Variants in TIGD7 observed in about 807,000 individuals in gnomAD.
The protein encoded by TIGD7 is tigger transposable element derived 7.
Under a neutral mutation model 24.8 loss-of-function variants are expected in TIGD7, and 26 were observed. The ratio of observed to expected loss-of-function variants is 1.05; its 90% CI spans 0.77 to 1.45. The LOEUF (loss-of-function observed/expected upper bound fraction) is 1.45, where lower values mean the gene tolerates loss of function less well. Among genes scored for constraint, TIGD7 ranks in the 40% most tolerant of loss-of-function variants. The probability of loss-of-function intolerance (pLI) is 0.00; values close to 1 mark genes in which losing one functional copy is unlikely to be tolerated. For synonymous variants in TIGD7, 221 were observed against 224.1 expected (o/e 0.99, Z 0.12); for missense variants, 679 against 641.6 (o/e 1.06, Z -0.63).
chr16:3,301,479 C>G lies in TIGD7; in HGVS notation c.-865G>C, dbSNP rs1010863031. ...TAATTTATTTGTCAGTGGCACTTTA[C>G]CATTCTCAGATCTTCTTTCTTGGGA... On this transcript the variant is annotated 5_prime_UTR_variant, in exon 2 of 2. Transcript: ENST00000396862. 1 of 167,042 alleles carries G rather than the reference C, an allele frequency of 6.0e-6. No homozygotes were observed. Among genetic ancestry groups the G allele is most frequent in the African/African-American group, 2.4e-5 (1 of 41,444 alleles). The allele number at this position is 167,042 out of a possible 1,614,324, so 10.3% of individuals were successfully genotyped here.
rs768216699 is a variant in TIGD7 at position 3,300,371 on chromosome 16, C to T, written c.244G>A (p.Asp82Asn). 22 of 1,614,220 alleles carry T rather than the reference C, an allele frequency of 1.4e-5. No homozygotes were observed. Among genetic ancestry groups the T allele is most frequent in the Non-Finnish European group, 1.9e-5 (22 of 1,180,018 alleles). ...TTGAKYGDVD[D>N]AVYMWYQQKR... The stretch of plus-strand genomic sequence containing the variant: ...TGTTGGTACCACATGTAGACCGCAT[C>T]ATCTACATCACCATATTTGGCTCCC... Residue 82 changes from aspartate to asparagine, a missense_variant, in exon 2 of 2, where the codon GAT becomes AAT. Coordinates refer to ENST00000396862, the MANE Select transcript of TIGD7 (RefSeq NM_033208.4).
Position 3,300,295 on chromosome 16 carries a change from G to A in TIGD7, c.320C>T (p.Ala107Val). The change falls in exon 2 of 2, where the codon GCA becomes GTA. Residue 107 changes from alanine to valine, a missense_variant. Physicochemically the swap from Ala to Val is moderately conservative, Grantham distance 64. Coordinates refer to ENST00000396862, the MANE Select transcript of TIGD7 (RefSeq NM_033208.4). ...PVRGVELQAAAERFARCFGRT... is the reference protein window; with the variant it reads ...PVRGVELQAAVERFARCFGRT... ...CCCAAAACACCGTGCAAATCTCTCTGCAGCAGCCTGAAGCTCCACGCCTCT... is the reference window on the plus strand; with the variant it reads ...CCCAAAACACCGTGCAAATCTCTCTACAGCAGCCTGAAGCTCCACGCCTCT... 1 of 1,614,202 alleles carries A rather than the reference G, an allele frequency of 6.2e-7. No individual in the cohort carries two copies. The highest frequency in any genetic ancestry group is 1.3e-5 in the African/African-American group (1 of 75,054).
intron 1 of TIGD7, among the ~76,000 whole-genome samples, chr16:3,303,017 T>C (rs1306883663): frequency 1.3e-5 from 2 of 152,078 alleles, no homozygotes; most frequent in Non-Finnish European, 2.9e-5. Context: ...TTTATATTTT[T>C]AGTACAGACA....
chr16:3,304,967 G>A (rs1029926717), intron 1 of TIGD7: 11 of 152,230 alleles, frequency 7.2e-5, no homozygotes, highest in African/African-American at 2.7e-4. Context: ...GATAGAAAAA[G>A]AACCTATTTC....
At chr16:3,304,479 T>A (rs1015813941) in intron 1 of TIGD7, among the ~76,000 whole-genome samples, 1 of 152,192 alleles carries the variant, frequency 6.6e-6, no homozygotes, top group Non-Finnish European at 1.5e-5. Flanking sequence ...ATTCACGAAA[T>A]TGCTCAGTCC....
At chr16:3,304,253 G>A (rs757365928) in intron 1 of TIGD7, among the ~76,000 whole-genome samples, 1 of 152,176 alleles carries the variant, frequency 6.6e-6, no homozygotes, top group East Asian at 1.9e-4. Context: ...GCCCAACTCA[G>A]TAAAAACGTA....
At position 3,300,102 on chromosome 16, in the gene TIGD7, T is replaced by A. The variant is rs949304922; in HGVS notation, c.513A>T (p.Leu171=). ...SMIIKEEKLC[L]AQLYSGDETD... is the part of the protein sequence containing the mutation. The stretch of plus-strand genomic sequence containing the variant: ...TTTCATCCCCACTGTATAGCTGAGC[T>A]AGACACAGTTTCTCCTCTTTGATTA... Residue 171 remains leucine (L), a synonymous_variant, in exon 2 of 2, where the codon CTA becomes CTT. Transcript: ENST00000396862. 4 of 1,614,112 alleles carry A rather than the reference T, an allele frequency of 2.5e-6. No homozygotes were observed. The highest frequency in any genetic ancestry group is 3.4e-6 in the Non-Finnish European group (4 of 1,180,044).
rs909146877 is a variant in TIGD7 at position 3,305,339 on chromosome 16, G to C, written c.-1523C>G. 1 of 152,312 alleles carries C rather than the reference G, an allele frequency of 6.6e-6. No individual in the cohort carries two copies. Among genetic ancestry groups the C allele is most frequent in the Non-Finnish European group, 1.5e-5 (1 of 68,080 alleles). 9.4% of individuals were successfully genotyped at this position (152,312 alleles called of 1,614,324 possible). On this transcript the variant is annotated 5_prime_UTR_variant, in exon 1 of 2. Coordinates refer to ENST00000396862, the MANE Select transcript of TIGD7 (RefSeq NM_033208.4). ...CGGTGAGCCGGTACAAGGCCCTCTA[G>C]GCTTCAGCGGGTCTGGATACTCGGT...
intron 1 of TIGD7, among the ~76,000 whole-genome samples, chr16:3,302,994 T>C (rs960696276): frequency 7.2e-5 from 11 of 152,022 alleles, no homozygotes; most frequent in Non-Finnish European, 2.9e-5. Flanking sequence ...CGCACCACCA[T>C]GCCCCGCTAA....
At position 3,300,880 on chromosome 16, in the gene TIGD7, A is replaced by G. The variant is rs2150780030; in HGVS notation, c.-266T>C. ...TGCAAGCCATGAGTGATCATTTTTC[A>G]GAATGCCCCCTACCTCTCCTCTCTT... On this transcript the variant is annotated 5_prime_UTR_variant, in exon 2 of 2. Transcript: ENST00000396862. 2.7e-6 allele frequency: 1 copy of G among 368,996 alleles called. No homozygotes were observed. The highest frequency in any genetic ancestry group is 6.1e-5 in the South Asian group (1 of 16,406). The allele number at this position is 368,996 out of a possible 1,614,324, so 22.9% of individuals were successfully genotyped here. A position where few individuals can be genotyped will look rare whatever the true frequency, so the allele number is the denominator to read the frequency against.
chr16:3,304,126 G>A (rs1482412979), intron 1 of TIGD7, among the ~76,000 whole-genome samples: 7 of 152,090 alleles, frequency 4.6e-5, no homozygotes, highest in Non-Finnish European at 1.0e-4. Context: ...GTAAGCCACC[G>A]CGCCCGGCCA....
rs148242088 is a variant in TIGD7 at position 3,299,757 on chromosome 16, G to C, written c.858C>G (p.Asp286Glu). ...HFQLNVLRFH[D>E]EDVRALLLLD... Reference sequence around the variant, plus strand: ...GAAGTAACAATGCCCTGACGTCCTCGTCATGAAATCTTAGAACATTAAGTT... The same window carrying C: ...GAAGTAACAATGCCCTGACGTCCTCCTCATGAAATCTTAGAACATTAAGTT... Residue 286 changes from aspartate to glutamate, a missense_variant, in exon 2 of 2, where the codon GAC becomes GAG. Asp to Glu is a conservative substitution (Grantham distance 45). Coordinates refer to ENST00000396862, the MANE Select transcript of TIGD7 (RefSeq NM_033208.4). 1.3e-6 allele frequency: 2 copies of C among 1,547,028 alleles called. No homozygotes were observed. The highest frequency in any genetic ancestry group is 1.7e-6 in the Non-Finnish European group (2 of 1,151,360).
chr16:3,299,373 G>A lies in TIGD7; in HGVS notation c.1242C>T (p.Gly414=). 1 of 1,565,190 alleles carries A rather than the reference G, an allele frequency of 6.4e-7. No homozygotes were observed. Among genetic ancestry groups the A allele is most frequent in the Non-Finnish European group, 8.6e-7 (1 of 1,157,982 alleles). The part of the protein sequence containing the change: ...YKKEPEYDFQ[G]LEHGDYREIL... ...TTTCTCTATAATCCCCATGTTCTAA[G>A]CCTTGAAAATCATATTCAGGTTCCT... The change falls in exon 2 of 2, where the codon GGC becomes GGT. Residue 414 remains glycine (G), a synonymous_variant. Transcript: ENST00000396862.
chr16:3,302,825 G>A (rs1959978295), intron 1 of TIGD7, among the ~76,000 whole-genome samples: 1 of 149,744 alleles, frequency 6.7e-6, no homozygotes, highest in African/African-American at 2.5e-5. Flanking sequence ...TCTCAGCTGT[G>A]CCGTCGTCTT....
At position 3,299,793 on chromosome 16, in the gene TIGD7, G is replaced by C. The variant is rs137884248; in HGVS notation, c.822C>G (p.Val274=). Residue 274 remains valine, a synonymous_variant, in exon 2 of 2, where the codon GTC becomes GTG. Transcript: ENST00000396862. ...TTAGAACATTAAGTTGAAAATGTCG[G>C]ACCTCAGGAACAAAGTTTTGAAAAA... ...EWFFQNFVPE[V]RHFQLNVLRF... is the part of the protein sequence containing the mutation. 250 of 1,578,840 alleles carry C rather than the reference G, an allele frequency of 1.6e-4. No homozygotes were observed. The highest frequency in any genetic ancestry group is 7.8e-4 in the East Asian group (35 of 44,684).
rs1217526931 is a variant in TIGD7 at position 3,305,374 on chromosome 16, C to A, written c.-1558G>T. On this transcript the variant is annotated 5_prime_UTR_variant, in exon 1 of 2. Transcript: ENST00000396862. Reference sequence around the variant, plus strand: ...GGTCTGGATACTCGGTGGCATTAACCCTTCCCTACCGCCGGGGAAGACAGC... The same window carrying A: ...GGTCTGGATACTCGGTGGCATTAACACTTCCCTACCGCCGGGGAAGACAGC... 6.6e-6 allele frequency: 1 copy of A among 152,346 alleles called. No homozygotes were observed. The highest frequency in any genetic ancestry group is 1.5e-5 in the Non-Finnish European group (1 of 68,118). 9.4% of individuals were successfully genotyped at this position (152,346 alleles called of 1,614,324 possible).
chr16:3,303,991 C>G (rs939575781), intron 1 of TIGD7: 1 of 152,116 alleles, frequency 6.6e-6, no homozygotes, highest in Non-Finnish European at 1.5e-5. Flanking sequence ...CACCACCACG[C>G]CCGGCTAATT....
chr16:3,300,333 G>A lies in TIGD7; in HGVS notation c.282C>T (p.Ala94=), dbSNP rs371295746. Reference sequence around the variant, plus strand: ...GCTCCACGCCTCTTACCGGAACACCGGCTGAGCGTTTCTGTTGGTACCACA... The same window carrying A: ...GCTCCACGCCTCTTACCGGAACACCAGCTGAGCGTTTCTGTTGGTACCACA... ...VYMWYQQKRS[A]GVPVRGVELQ... The change falls in exon 2 of 2, where the codon GCC becomes GCT. Residue 94 remains alanine (A), a synonymous_variant. Transcript: ENST00000396862. The A allele has an allele frequency of 5.0e-5, 80 of 1,614,050 alleles. No homozygotes were observed. The highest frequency in any genetic ancestry group is 5.4e-5 in the Non-Finnish European group (64 of 1,180,054).
Position 3,299,246 on chromosome 16 carries a change from T to C in TIGD7, c.1369A>G (p.Ile457Val), listed in dbSNP as rs749490969. The C allele has an allele frequency of 4.3e-6, 7 of 1,611,608 alleles. No homozygotes were observed. Among genetic ancestry groups the C allele is most frequent in the African/African-American group, 1.3e-5 (1 of 74,816 alleles). Residue 457 changes from isoleucine to valine, a missense_variant, in exon 2 of 2, where the codon ATA becomes GTA. Ile to Val is a conservative substitution (Grantham distance 29). Coordinates refer to ENST00000396862, the MANE Select transcript of TIGD7 (RefSeq NM_033208.4). ...CCTTTTTGAACAACTTCCTTTGTTA[T>C]TCCACCTTTGGTTTTTAGGAGACAA... ...KGCLLKTKGG[I>V]TKEVVQKGGE...
Sources: allele counts gnomAD v4.1 joint callset (sites outside exome capture counted in the v4.1 genomes callset), GRCh38; gene constraint gnomAD v4.1.1; transcripts MANE v1.5; gene names NCBI Gene and HGNC (gene_info 2026-07-23, HGNC 2026-07-21).